The following CNTNAP2 variants were observed in gnomAD, a reference collection of about 807,000 sequenced individuals.
CNTNAP2 encodes the protein contactin associated protein 2.
Under a neutral mutation model 155.2 loss-of-function variants are expected in CNTNAP2, and 98 were observed. The ratio of observed to expected loss-of-function variants is 0.63; its 90% CI spans 0.54 to 0.75. The LOEUF is 0.75. Among genes scored for constraint, CNTNAP2 ranks in the 30% least tolerant of loss-of-function variants. CNTNAP2 has a pLI of 0.00. For synonymous variants in CNTNAP2, 651 were observed against 631.2 expected, an observed-to-expected ratio of 1.03 and a Z score of -0.47; for missense variants, 1,727 against 1,688.1, an observed-to-expected ratio of 1.02 and a Z score of -0.40.
intron 13 of CNTNAP2, among the ~76,000 whole-genome samples, chr7:147,837,214 C>T (rs923906481): frequency 2.0e-5 from 3 of 152,186 alleles, no homozygotes; most frequent in Admixed American, 2.0e-4. Context: ...GGAGGCCCCA[C>T]AATCATGGCA....
intron 14 of CNTNAP2, among the ~76,000 whole-genome samples, chr7:147,953,616 G>C (rs1251400037): frequency 6.6e-6 from 1 of 152,180 alleles, no homozygotes. Flanking sequence ...GACAAGCTGT[G>C]TTAGTATCCT....
intron 3 of CNTNAP2, among the ~76,000 whole-genome samples, chr7:146,884,333 T>A (rs193248699): frequency 1.8e-3 from 278 of 152,270 alleles, no homozygotes; most frequent in African/African-American, 6.3e-3. Flanking sequence ...TTCTTGCATA[T>A]TATTTATTTG....
chr7:146,412,746 G>A (rs1724521), intron 1 of CNTNAP2, among the ~76,000 whole-genome samples: 4 of 152,110 alleles, frequency 2.6e-5, no homozygotes, highest in East Asian at 1.9e-4. Flanking sequence ...TACATTCAAC[G>A]GACATAGAAG....
At chr7:147,830,163 T>TAA (rs3055144) in intron 13 of CNTNAP2, among the ~76,000 whole-genome samples, 3 of 144,952 alleles carry the variant, frequency 2.1e-5, no homozygotes, top group Non-Finnish European at 3.0e-5. Flanking sequence ...GGGTTGCTAT[T>TAA]AAAAAAAAAA....
chr7:147,573,867 T>C (rs1465757940), intron 12 of CNTNAP2, among the ~76,000 whole-genome samples: 2 of 152,286 alleles, frequency 1.3e-5, no homozygotes, highest in Non-Finnish European at 2.9e-5. Context: ...CTAATGTGGA[T>C]ATAGCACATC....
At chr7:146,310,500 G>A (rs536210388) in intron 1 of CNTNAP2, among the ~76,000 whole-genome samples, 1 of 151,974 alleles carries the variant, frequency 6.6e-6, no homozygotes, top group African/African-American at 2.4e-5. Flanking sequence ...GTAGTTCAGT[G>A]TAACTATAAT....
intron 21 of CNTNAP2, among the ~76,000 whole-genome samples, chr7:148,302,835 T>TG (rs1797419593): frequency 7.5e-6 from 1 of 132,856 alleles, no homozygotes; most frequent in Non-Finnish European, 1.7e-5. Flanking sequence ...TTTTTTTTTT[T>TG]TGAGATTGAG....
rs546832668 is a variant in CNTNAP2, at chr7:147,046,374, A to C, written c.550+2320A>C. ...ACACAGATGGAGTCATAAAAGATGC[A>C]TTATTTTACACTTGACTTCTTTAGT... On this transcript the variant is annotated intron_variant, in intron 4 of 23. Coordinates refer to ENST00000361727, the MANE Select transcript of CNTNAP2 (RefSeq NM_014141.6). Among the ~76,000 whole-genome samples the C allele has an allele frequency of 2.4e-4, 36 of 152,332 alleles. No homozygotes were observed. The East Asian group carries it at 6.7e-3, about 29-fold the overall frequency.
chr7:146,267,667 A>G (rs1800017388), intron 1 of CNTNAP2, among the ~76,000 whole-genome samples: 1 of 152,152 alleles, frequency 6.6e-6, no homozygotes, highest in Non-Finnish European at 1.5e-5. Flanking sequence ...AATCAGAAAG[A>G]CTTCATCAGA....
At chr7:146,636,432 T>C (rs1799601002) in intron 1 of CNTNAP2, among the ~76,000 whole-genome samples, 1 of 152,178 alleles carries the variant, frequency 6.6e-6, no homozygotes, top group Non-Finnish European at 1.5e-5. Context: ...GCCCAGTTTC[T>C]CCTTATCTAA....
chr7:146,987,600 C>T (rs1798135832), intron 3 of CNTNAP2, among the ~76,000 whole-genome samples: 1 of 152,096 alleles, frequency 6.6e-6, no homozygotes, highest in Non-Finnish European at 1.5e-5. Context: ...TGGCCTCATT[C>T]TATCTTCTTC....
intron 3 of CNTNAP2, among the ~76,000 whole-genome samples, chr7:146,958,604 G>A (rs1288721285): frequency 1.3e-5 from 2 of 151,452 alleles, no homozygotes; most frequent in Non-Finnish European, 2.9e-5. Flanking sequence ...TAGTGGAGAC[G>A]GGGTTTCACC....
At chr7:148,142,826 G>A (rs760848013) in intron 16 of CNTNAP2, among the ~76,000 whole-genome samples, 1 of 152,330 alleles carries the variant, frequency 6.6e-6, no homozygotes, top group Admixed American at 6.5e-5. Context: ...GAGTTAGAAT[G>A]AGAGCAAATA....
chr7:147,313,366 G>T (rs1478186398), intron 9 of CNTNAP2, among the ~76,000 whole-genome samples: 2 of 150,474 alleles, frequency 1.3e-5, no homozygotes, highest in Non-Finnish European at 3.0e-5. Flanking sequence ...GTAATGCCTA[G>T]GTTTTCTTCT....
chr7:147,784,959 C>A (rs1230833245), intron 13 of CNTNAP2, among the ~76,000 whole-genome samples: 1 of 152,000 alleles, frequency 6.6e-6, no homozygotes, highest in African/African-American at 2.4e-5. Flanking sequence ...ACTTTCTTAT[C>A]CACAATGCCA....
At chr7:146,534,265 C>T (rs1356804844) in intron 1 of CNTNAP2, among the ~76,000 whole-genome samples, 1 of 152,094 alleles carries the variant, frequency 6.6e-6, no homozygotes, top group African/African-American at 2.4e-5. Flanking sequence ...TTCTCGTATT[C>T]TGGGTTAATT....
At chr7:146,612,938 T>A (rs988540011) in intron 1 of CNTNAP2, among the ~76,000 whole-genome samples, 1 of 151,936 alleles carries the variant, frequency 6.6e-6, no homozygotes, top group African/African-American at 2.4e-5. Context: ...TGTCTTTTTT[T>A]TTTTTTTTTG....
Position 146,996,568 on chromosome 7 carries a change from G to T in CNTNAP2, c.403-47339G>T, listed in dbSNP as rs188796141. Among the ~76,000 whole-genome samples the T allele has an allele frequency of 1.2e-4, 19 of 152,164 alleles. No individual in the cohort carries two copies. In the South Asian group the frequency reaches 2.9e-3, roughly 23 times the overall value. ...TGATTTTTGTGTTAATTTTTATCCT[G>T]CACCTTTAATAAATGTGTTTGTTAG... On this transcript the variant is annotated intron_variant, in intron 3 of 23. Coordinates refer to ENST00000361727, the MANE Select transcript of CNTNAP2 (RefSeq NM_014141.6).
chr7:147,739,460 A>G (rs1230312433), intron 13 of CNTNAP2, among the ~76,000 whole-genome samples: 1 of 152,186 alleles, frequency 6.6e-6, no homozygotes, highest in Non-Finnish European at 1.5e-5. Flanking sequence ...TTGAATAAAA[A>G]CAGTGAGTTT....
Sources: allele counts gnomAD v4.1 joint callset (sites outside exome capture counted in the v4.1 genomes callset), GRCh38; gene constraint gnomAD v4.1.1; transcripts MANE v1.5; gene names NCBI Gene and HGNC (gene_info 2026-07-23, HGNC 2026-07-21).